Variants in CENPW observed in about 807,000 individuals in gnomAD.
The protein encoded by CENPW is centromere protein W.
CENPW carries 3 observed loss-of-function variants against 11.1 expected under a neutral mutation model. That is an observed-to-expected ratio of 0.27 (90% confidence interval 0.12 to 0.70). CENPW has a LOEUF of 0.70. CENPW is among the 30% of genes least tolerant of loss of function. The probability of loss-of-function intolerance (pLI) is 0.77; values close to 1 mark genes in which losing one functional copy is unlikely to be tolerated. For synonymous variants in CENPW, 38 were observed against 42.0 expected (o/e 0.91, Z 0.37); for missense variants, 100 against 105.6 (o/e 0.95, Z 0.23).
chr6:126,345,302 G>A (rs1163575073), intron 1 of CENPW, among the ~76,000 whole-genome samples: 2 of 151,862 alleles, frequency 1.3e-5, no homozygotes, highest in Non-Finnish European at 2.9e-5. Flanking sequence ...ATCTGAAGAT[G>A]AGTACATATG....
chr6:126,467,430 C>T, the CENPW span, among the ~76,000 whole-genome samples: 4 of 151,834 alleles, frequency 2.6e-5, no homozygotes, highest in African/African-American at 4.8e-5. Flanking sequence ...GGGAAAACTA[C>T]GAAGTAAGGA....
At chr6:126,374,885 A>G in the CENPW span, among the ~76,000 whole-genome samples, 1 of 152,250 alleles carries the variant, frequency 6.6e-6, no homozygotes, top group African/African-American at 2.4e-5. Context: ...TGTTAGGCTG[A>G]AACCTATGCT....
chr6:126,473,475 T>G, the CENPW span, among the ~76,000 whole-genome samples: 1 of 152,162 alleles, frequency 6.6e-6, no homozygotes, highest in Non-Finnish European at 1.5e-5. Flanking sequence ...CTCATTCCGG[T>G]AATCTCAGCG....
At chr6:126,443,740 G>T in the CENPW span, among the ~76,000 whole-genome samples, 4 of 150,752 alleles carry the variant, frequency 2.7e-5, no homozygotes, top group East Asian at 3.9e-4. Context: ...ATTTAATCTT[G>T]GTTCTATAGG....
At chr6:126,416,767 C>T in the CENPW span, among the ~76,000 whole-genome samples, 1 of 152,146 alleles carries the variant, frequency 6.6e-6, no homozygotes. Context: ...GGAACCTTCA[C>T]CTAGATTTCA....
chr6:126,438,819 G>C, the CENPW span, among the ~76,000 whole-genome samples: 1 of 151,622 alleles, frequency 6.6e-6, no homozygotes, highest in Non-Finnish European at 1.5e-5. Flanking sequence ...ATATTTTAAA[G>C]TACTTGCACA....
the CENPW span, among the ~76,000 whole-genome samples, chr6:126,418,049 C>A: frequency 6.6e-6 from 1 of 152,086 alleles, no homozygotes; most frequent in African/African-American, 2.4e-5. Context: ...TTTGGGATAC[C>A]ACTTCATGCC....
chr6:126,397,760 A>G, the CENPW span, among the ~76,000 whole-genome samples: 1 of 152,108 alleles, frequency 6.6e-6, no homozygotes, highest in African/African-American at 2.4e-5. Context: ...TCCCTCTTAC[A>G]TTATCAAACT....
At chr6:126,365,293 A>G in the CENPW span, among the ~76,000 whole-genome samples, 3 of 152,224 alleles carry the variant, frequency 2.0e-5, no homozygotes, top group Admixed American at 1.3e-4. Flanking sequence ...TTGTCACATT[A>G]CTGTAAGGAA....
chr6:126,394,176 C>T, the CENPW span, among the ~76,000 whole-genome samples: 130 of 151,144 alleles, frequency 8.6e-4, no homozygotes, highest in African/African-American at 3.0e-3. Flanking sequence ...TCGTTATTTG[C>T]TCTCTGGATG....
At chr6:126,368,647 G>T in the CENPW span, among the ~76,000 whole-genome samples, 1 of 150,496 alleles carries the variant, frequency 6.6e-6, no homozygotes, top group Non-Finnish European at 1.5e-5. Flanking sequence ...TACCCAATGT[G>T]TAGTTTTTTT....
the CENPW span, among the ~76,000 whole-genome samples, chr6:126,376,919 T>G: frequency 6.6e-6 from 1 of 152,170 alleles, no homozygotes; most frequent in Non-Finnish European, 1.5e-5. Flanking sequence ...CGGTTTTCAT[T>G]TTGACAAAGT....
chr6:126,403,203 C>T, the CENPW span, among the ~76,000 whole-genome samples: 1 of 151,992 alleles, frequency 6.6e-6, no homozygotes, highest in East Asian at 1.9e-4. Context: ...TGAGACATAA[C>T]AATATTGAAA....
At chr6:126,385,220 CAG>C in the CENPW span, among the ~76,000 whole-genome samples, 2 of 152,094 alleles carry the variant, frequency 1.3e-5, no homozygotes, top group Admixed American at 6.6e-5. Context: ...GAGCTAAAAA[CAG>C]AACTACCATT....
chr6:126,462,065 A>G, the CENPW span, among the ~76,000 whole-genome samples: 1 of 152,026 alleles, frequency 6.6e-6, no homozygotes, highest in Non-Finnish European at 1.5e-5. Context: ...GAGTTGGGAT[A>G]TTGAAAACAT....
chr6:126,410,335 A>G, the CENPW span, among the ~76,000 whole-genome samples: 17 of 152,074 alleles, frequency 1.1e-4, no homozygotes, highest in African/African-American at 3.9e-4. Context: ...CTCCTGGCAT[A>G]TAAGGTGTTT....
the CENPW span, among the ~76,000 whole-genome samples, chr6:126,408,701 A>G: frequency 1.3e-4 from 20 of 152,234 alleles, no homozygotes; most frequent in African/African-American, 4.8e-4. Flanking sequence ...TCCTGGTTCA[A>G]TATTGTTAGG....
chr6:126,401,055 T>C, the CENPW span, among the ~76,000 whole-genome samples: 2 of 152,108 alleles, frequency 1.3e-5, no homozygotes, highest in Non-Finnish European at 2.9e-5. Flanking sequence ...GTTGATTGCT[T>C]CATCTCTTTA....
chr6:126,445,087 A>G, the CENPW span, among the ~76,000 whole-genome samples: 4 of 151,302 alleles, frequency 2.6e-5, no homozygotes, highest in South Asian at 8.3e-4. Context: ...GAACTCACTC[A>G]TGAATTGCAG....
Sources: allele counts gnomAD v4.1 joint callset (sites outside exome capture counted in the v4.1 genomes callset), GRCh38; gene constraint gnomAD v4.1.1; transcripts MANE v1.5; gene names NCBI Gene and HGNC (gene_info 2026-07-23, HGNC 2026-07-21).